Variants in RBFOX1 observed in about 807,000 individuals in gnomAD.
RBFOX1 encodes RNA binding fox-1 homolog 1, also known as RNA binding protein fox-1 homolog 1.
A neutral mutation model predicts 57.7 loss-of-function variants in RBFOX1; 8 were observed. The observed-to-expected ratio is 0.14, with a 90% CI of 0.08 to 0.25. The LOEUF (loss-of-function observed/expected upper bound fraction) is 0.25, where lower values mean the gene tolerates loss of function less well. Among genes scored for constraint, RBFOX1 ranks in the 10% least tolerant of loss-of-function variants. RBFOX1 has a pLI of 1.00. For synonymous variants in RBFOX1, 326 were observed against 222.4 expected (o/e 1.47, Z -4.15); for missense variants, 611 against 548.5 (o/e 1.11, Z -1.14).
intron 2 of RBFOX1, among the ~76,000 whole-genome samples, chr16:6,528,602 G>A (rs11645261): frequency 6.6e-6 from 1 of 152,046 alleles, no homozygotes; most frequent in Non-Finnish European, 1.5e-5. Flanking sequence ...GGATAGATAC[G>A]ATTTTAAAAT....
intron 3 of RBFOX1, among the ~76,000 whole-genome samples, chr16:6,838,783 C>G (rs1286137664): frequency 6.6e-6 from 1 of 152,176 alleles, no homozygotes; most frequent in Non-Finnish European, 1.5e-5. Flanking sequence ...TACAAATGTA[C>G]ATGCCTCAAA....
intron 5 of RBFOX1, among the ~76,000 whole-genome samples, chr16:7,546,472 T>A (rs2084582373): frequency 6.6e-6 from 1 of 152,210 alleles, no homozygotes; most frequent in African/African-American, 2.4e-5. Context: ...AAACCCATAT[T>A]CAATATAGAA....
In RBFOX1 at chr16:7,557,554, A is replaced by G. The variant is rs544366825; in HGVS notation, c.271-22223A>G. On this transcript the variant is annotated intron_variant, in intron 5 of 15. Coordinates refer to ENST00000550418, the MANE Select transcript of RBFOX1 (RefSeq NM_018723.4). Reference sequence around the variant, plus strand: ...AGAGTCACTTGAACCTGGGAGGCAGAGGTTTCAGTGAGCCAAGACTGTACC... The same window carrying G: ...AGAGTCACTTGAACCTGGGAGGCAGGGGTTTCAGTGAGCCAAGACTGTACC... Among the ~76,000 whole-genome samples the G allele has an allele frequency of 2.3e-5, 3 of 131,302 alleles. No individual in the cohort carries two copies. The East Asian group carries it at 7.7e-4, about 34-fold the overall frequency. The allele number at this position is 131,302 out of a possible 152,430, so 86.1% of individuals were successfully genotyped here.
intron 11 of RBFOX1, among the ~76,000 whole-genome samples, chr16:7,650,978 A>G (rs750775366): frequency 5.9e-5 from 9 of 152,198 alleles, no homozygotes; most frequent in Non-Finnish European, 1.2e-4. Context: ...GGTTTCAAGC[A>G]TACCAGTTGC....
At chr16:6,017,218 G>T (rs2094999648), upstream of RBFOX1, among the ~76,000 whole-genome samples, 1 of 152,108 alleles carries the variant, frequency 6.6e-6, no homozygotes. Flanking sequence ...TTCCTTTCTG[G>T]AATAAAAAAT....
At chr16:5,795,034 G>C (rs74545266) in intron 3 of RBFOX1, among the ~76,000 whole-genome samples, 3,835 of 152,264 alleles carry the variant, frequency 0.025, 150 homozygotes, top group African/African-American at 0.086. Flanking sequence ...CTTCTCCCCA[G>C]TTGTATGACT....
intron 3 of RBFOX1, among the ~76,000 whole-genome samples, chr16:6,806,869 T>C (rs1230218476): frequency 7.4e-6 from 1 of 135,398 alleles, no homozygotes; most frequent in African/African-American, 2.8e-5. Flanking sequence ...AGTCTTGCTC[T>C]GTTACCCAGG....
intron 4 of RBFOX1, among the ~76,000 whole-genome samples, chr16:7,361,031 A>T (rs2097310178): frequency 6.6e-6 from 1 of 152,342 alleles, no homozygotes; most frequent in Non-Finnish European, 1.5e-5. Flanking sequence ...CCAACCAGGA[A>T]GCTGGCTTTG....
At chr16:7,578,777 C>T (rs1265338475) in intron 5 of RBFOX1, among the ~76,000 whole-genome samples, 1 of 23,820 alleles carries the variant, frequency 4.2e-5, no homozygotes, top group South Asian at 5.5e-4. Flanking sequence ...TTGCTAATTG[C>T]AGAGAAGTAT....
In RBFOX1 at chr16:6,700,382, G is replaced by A. The variant is rs563232807; in HGVS notation, c.-16+45732G>A. Among the ~76,000 whole-genome samples the A allele has an allele frequency of 2.1e-4, 32 of 152,248 alleles. No individual in the cohort carries two copies. The South Asian group carries it at 6.6e-3, about 32-fold the overall frequency. On this transcript the variant is annotated intron_variant, in intron 3 of 15. Transcript: ENST00000550418. ...CAAAAAAAAAAAGAATTTTGACCAG[G>A]TGTCATGTCTCACATCTGTAATCTC...
chr16:7,710,329 TA>T, intron 15 of RBFOX1: 7 of 1,233,316 alleles, frequency 5.7e-6, no homozygotes, highest in Non-Finnish European at 6.1e-6. Context: ...TATTCTGTTA[TA>T]AAAAAATGAG....
chr16:5,949,178 T>C (rs1362691179), intron 4 of RBFOX1, among the ~76,000 whole-genome samples: 5 of 152,066 alleles, frequency 3.3e-5, no homozygotes, highest in African/African-American at 7.2e-5. Context: ...CTAAGACATA[T>C]AACAATGATA....
chr16:6,315,497 G>T (rs888037960), intron 1 of RBFOX1, among the ~76,000 whole-genome samples: 1 of 149,014 alleles, frequency 6.7e-6, no homozygotes, highest in African/African-American at 2.5e-5. Context: ...AGGTAGATAG[G>T]TGGATGGATG....
intron 1 of RBFOX1, among the ~76,000 whole-genome samples, chr16:6,282,894 G>A (rs894145464): frequency 2.0e-5 from 3 of 152,146 alleles, no homozygotes; most frequent in African/African-American, 4.8e-5. Context: ...TGCATCTATT[G>A]TCTCATTTCA....
At chr16:6,256,175 A>ATATATACGTATATATATG (rs2097661857) in intron 1 of RBFOX1, among the ~76,000 whole-genome samples, 1 of 28,324 alleles carries the variant, frequency 3.5e-5, no homozygotes, top group Non-Finnish European at 8.0e-5. Context: ...ATATATGTAT[A>ATATATACGTATATATATG]TATATATATA....
intron 2 of RBFOX1, among the ~76,000 whole-genome samples, chr16:6,366,696 G>C (rs1487762170): frequency 6.6e-6 from 1 of 152,198 alleles, no homozygotes; most frequent in Non-Finnish European, 1.5e-5. Context: ...TTAGGGAGTA[G>C]ATGCTAGTAT....
At chr16:5,875,710 C>T (rs1281062518) in intron 4 of RBFOX1, among the ~76,000 whole-genome samples, 1 of 152,150 alleles carries the variant, frequency 6.6e-6, no homozygotes, top group Middle Eastern at 3.2e-3. Context: ...AAGAGTGTTT[C>T]AGAAGCATCT....
intron 3 of RBFOX1, among the ~76,000 whole-genome samples, chr16:6,857,388 A>T (rs1418318844): frequency 6.6e-6 from 1 of 152,090 alleles, no homozygotes; most frequent in Non-Finnish European, 1.5e-5. Context: ...AGAGGTCTCC[A>T]TCCTACGAAG....
chr16:7,464,575 G>A (rs535372453), intron 4 of RBFOX1, among the ~76,000 whole-genome samples: 2 of 151,830 alleles, frequency 1.3e-5, no homozygotes, highest in African/African-American at 2.4e-5. Flanking sequence ...AAATCCCTGA[G>A]TGTTTGGCTC....
Sources: allele counts gnomAD v4.1 joint callset (sites outside exome capture counted in the v4.1 genomes callset), GRCh38; gene constraint gnomAD v4.1.1; transcripts MANE v1.5; gene names NCBI Gene and HGNC (gene_info 2026-07-23, HGNC 2026-07-21).